Variants in KIRREL1 observed in about 807,000 individuals in gnomAD.
KIRREL1 encodes the protein kirre like nephrin family adhesion molecule 1.
A neutral mutation model predicts 83.3 loss-of-function variants in KIRREL1; 25 were observed. The ratio of observed to expected loss-of-function variants is 0.30; its 90% confidence interval spans 0.22 to 0.42. The LOEUF is 0.42. Ranked by LOEUF, KIRREL1 falls within the 10% of genes least tolerant of loss-of-function variation. The pLI is 1.00. For missense variants in KIRREL1, 812 were observed against 1,032.3 expected (o/e 0.79, Z 2.92); for synonymous variants, 388 against 410.4 (o/e 0.95, Z 0.66).
At chr1:158,010,922 G>A (rs1659669550) in intron 1 of KIRREL1, among the ~76,000 whole-genome samples, 1 of 152,168 alleles carries the variant, frequency 6.6e-6, no homozygotes, top group African/African-American at 2.4e-5. Flanking sequence ...TAAGCCAATG[G>A]CATCAGTGGT....
intron 1 of KIRREL1, among the ~76,000 whole-genome samples, chr1:158,017,198 T>C (rs1659851788): frequency 6.6e-6 from 1 of 152,064 alleles, no homozygotes; most frequent in African/African-American, 2.4e-5. Flanking sequence ...CTGGGCAAGT[T>C]CTCCTCATTT....
intron 1 of KIRREL1, among the ~76,000 whole-genome samples, chr1:158,054,240 GAAGAA>G (rs1660986739): frequency 7.3e-6 from 1 of 137,544 alleles, no homozygotes; most frequent in Admixed American, 7.2e-5. Flanking sequence ...AAAAAAAAGA[GAAGAA>G]AAAGAAAGTG....
At chr1:158,043,823 C>T (rs1033426432) in intron 1 of KIRREL1, among the ~76,000 whole-genome samples, 4 of 152,150 alleles carry the variant, frequency 2.6e-5, no homozygotes, top group South Asian at 2.1e-4. Flanking sequence ...AGCAGCATCT[C>T]TGTGAGAGAT....
At chr1:158,018,783 A>T (rs1482641727) in intron 1 of KIRREL1, among the ~76,000 whole-genome samples, 1 of 152,012 alleles carries the variant, frequency 6.6e-6, no homozygotes, top group African/African-American at 2.4e-5. Flanking sequence ...CAGTTTGAGA[A>T]CCATTTGTGG....
intron 1 of KIRREL1, among the ~76,000 whole-genome samples, chr1:158,071,090 C>A (rs928049379): frequency 6.6e-6 from 1 of 152,160 alleles, no homozygotes; most frequent in African/African-American, 2.4e-5. Flanking sequence ...GCCTTCCTTC[C>A]CCCCTGCTTT....
chr1:158,065,750 A>G (rs572897393), intron 1 of KIRREL1, among the ~76,000 whole-genome samples: 45 of 152,136 alleles, frequency 3.0e-4, no homozygotes, highest in African/African-American at 1.0e-3. Context: ...CTTTTCTTCA[A>G]CCTAGAAGCT....
chr1:158,091,475 G>C lies in KIRREL1; in HGVS notation c.1390G>C (p.Ala464Pro), dbSNP rs1662194196. 6.2e-7 allele frequency: 1 copy of C among 1,614,248 alleles called. No homozygotes were observed. Among genetic ancestry groups the C allele is most frequent in the Non-Finnish European group, 8.5e-7 (1 of 1,180,044 alleles). The change falls in exon 11 of 15, where the codon GCC (alanine) becomes CCC (proline). Residue 464 changes from alanine to proline, a missense_variant. Transcript: ENST00000359209. ...STLTINNVMEADFQTHYNCTA... is the reference protein window; with the variant it reads ...STLTINNVMEPDFQTHYNCTA... ...GCTCACCATCAACAATGTCATGGAG[G>C]CCGACTTTCAGACTCACTACAACTG... is the stretch of plus-strand genomic sequence containing the variant.
At chr1:158,023,091 C>A (rs1409828548) in intron 1 of KIRREL1, among the ~76,000 whole-genome samples, 1 of 152,190 alleles carries the variant, frequency 6.6e-6, no homozygotes, top group Admixed American at 6.5e-5. Context: ...AAGGTCATGG[C>A]CTGGAAGGTT....
At chr1:157,999,856 G>T (rs922149727) in intron 1 of KIRREL1, among the ~76,000 whole-genome samples, 1 of 152,114 alleles carries the variant, frequency 6.6e-6, no homozygotes, top group South Asian at 2.1e-4. Context: ...CTCTCAGAGT[G>T]GGGGAGAAAT....
At chr1:158,012,554 A>G (rs184979137) in intron 1 of KIRREL1, among the ~76,000 whole-genome samples, 3 of 152,264 alleles carry the variant, frequency 2.0e-5, no homozygotes. Context: ...GGTGTGGTGT[A>G]ATAAAAAGAG....
rs547072785 is a variant in KIRREL1 at position 158,004,814 on chromosome 1, T to A, written c.52+11086T>A. On this transcript the variant is annotated intron_variant, in intron 1 of 14. Coordinates refer to ENST00000359209, the MANE Select transcript of KIRREL1 (RefSeq NM_018240.7). Reference sequence around the variant, plus strand: ...CAAAAATTAGCCAGGCTTGGTGATGTGCACCTGTAGTCCCAGCTACTCTGG... The same window carrying A: ...CAAAAATTAGCCAGGCTTGGTGATGAGCACCTGTAGTCCCAGCTACTCTGG... Among the ~76,000 whole-genome samples, 12 of 152,194 alleles carry A rather than the reference T, an allele frequency of 7.9e-5. No individual in the cohort carries two copies. In the South Asian group the frequency reaches 2.5e-3, roughly 32 times the overall value.
chr1:158,028,697 T>C (rs1342323677), intron 1 of KIRREL1, among the ~76,000 whole-genome samples: 1 of 152,230 alleles, frequency 6.6e-6, no homozygotes, highest in East Asian at 1.9e-4. Context: ...GAAAACTACA[T>C]AGCACTTCTC....
At position 158,097,271 on chromosome 1, in the gene KIRREL1, G is replaced by C. The variant is rs201382116; in HGVS notation, c.*2151G>C. On this transcript the variant is annotated 3_prime_UTR_variant, in exon 15 of 15. Transcript: ENST00000359209. ...TATTTTCACAAAAACCAGAAACCAT[G>C]GGGGAATCCAAAGACTTGAAGTCTA... 1.2e-5 allele frequency: 1 copy of C among 86,168 alleles called. No individual in the cohort carries two copies. Among genetic ancestry groups the C allele is most frequent in the South Asian group, 1.4e-4 (1 of 7,378 alleles). The allele number at this position is 86,168 out of a possible 1,614,324, so 5.3% of individuals were successfully genotyped here.
intron 1 of KIRREL1, among the ~76,000 whole-genome samples, chr1:158,000,218 C>T (rs1459924693): frequency 6.6e-6 from 1 of 152,228 alleles, no homozygotes; most frequent in East Asian, 1.9e-4. Context: ...TATACATGCA[C>T]CCACTTCTTA....
intron 1 of KIRREL1, among the ~76,000 whole-genome samples, chr1:158,062,712 C>A (rs773073460): frequency 6.6e-6 from 1 of 152,252 alleles, no homozygotes; most frequent in Non-Finnish European, 1.5e-5. Flanking sequence ...CCCCCTTGCA[C>A]GCAGATACAA....
intron 1 of KIRREL1, among the ~76,000 whole-genome samples, chr1:157,997,995 C>T (rs1659251801): frequency 6.6e-6 from 1 of 152,118 alleles, no homozygotes; most frequent in Admixed American, 6.5e-5. Flanking sequence ...TCTCCTACCT[C>T]AGCCTCCTAA....
At chr1:158,034,179 A>T (rs1251478764) in intron 1 of KIRREL1, among the ~76,000 whole-genome samples, 2 of 149,496 alleles carry the variant, frequency 1.3e-5, no homozygotes, top group Non-Finnish European at 3.0e-5. Context: ...AGGCTGAGGG[A>T]GAATGGCGTG....
intron 1 of KIRREL1, among the ~76,000 whole-genome samples, chr1:158,024,445 A>G (rs1217143713): frequency 7.0e-6 from 1 of 143,760 alleles, no homozygotes; most frequent in Non-Finnish European, 1.5e-5. Context: ...CACTCGGCTA[A>G]TTTTTGTATT....
intron 8 of KIRREL1, 26 bp from the exon 9 acceptor site, chr1:158,089,476 C>A (rs1169724924): frequency 6.2e-7 from 1 of 1,613,388 alleles, no homozygotes; most frequent in Non-Finnish European, 8.5e-7. Flanking sequence ...CCTGGCTCCC[C>A]ACCCGAGGCT....
Sources: gnomAD v4.1 joint callset for allele counts (sites outside exome capture counted in the v4.1 genomes callset) on GRCh38, gnomAD v4.1.1 for gene constraint, MANE v1.5 for transcripts, NCBI Gene and HGNC (gene_info 2026-07-23, HGNC 2026-07-21) for gene names.